The following TSPAN9 variants were observed in gnomAD, a reference collection of about 807,000 sequenced individuals.
The protein encoded by TSPAN9 is tetraspanin-9.
Under a neutral mutation model 31.0 loss-of-function variants are expected in TSPAN9, and 16 were observed. That is an observed-to-expected ratio of 0.52 (90% CI 0.35 to 0.78). The LOEUF (loss-of-function observed/expected upper bound fraction) is 0.78, where lower values mean the gene tolerates loss of function less well. TSPAN9 is among the 30% of genes least tolerant of loss of function. The pLI is 0.01. For synonymous variants in TSPAN9, 145 were observed against 121.6 expected, an observed-to-expected ratio of 1.19 and a Z score of -1.27; for missense variants, 272 against 312.5, an observed-to-expected ratio of 0.87 and a Z score of 0.98.
intron 2 of TSPAN9, among the ~76,000 whole-genome samples, chr12:3,159,710 A>G (rs1397520812): frequency 6.6e-6 from 1 of 152,174 alleles, no homozygotes; most frequent in African/African-American, 2.4e-5. Context: ...CTCAATTAAG[A>G]AACTGTATAT....
intron 2 of TSPAN9, among the ~76,000 whole-genome samples, chr12:3,094,520 C>CTTG (rs1169208072): frequency 8.3e-5 from 12 of 145,372 alleles, no homozygotes; most frequent in South Asian, 5.0e-4. Flanking sequence ...AATCAATTAT[C>CTTG]TTGTTGTTGT....
At chr12:3,276,488 G>A (rs567430909) in intron 3 of TSPAN9, among the ~76,000 whole-genome samples, 3 of 152,228 alleles carry the variant, frequency 2.0e-5, no homozygotes, top group East Asian at 1.9e-4. Flanking sequence ...TTCCCACTCC[G>A]GGGCTTTTGC....
intron 2 of TSPAN9, among the ~76,000 whole-genome samples, chr12:3,152,295 C>T (rs1027863122): frequency 6.6e-6 from 1 of 152,252 alleles, no homozygotes; most frequent in African/African-American, 2.4e-5. Context: ...AGGATCCTGG[C>T]ACCCAGCTCC....
At position 3,239,681 on chromosome 12, in the gene TSPAN9, G is replaced by A. The variant is rs2098395575; in HGVS notation, c.63+38425G>A. Among the ~76,000 whole-genome samples the A allele has an allele frequency of 2.0e-5, 3 of 152,324 alleles. 1 individual carries two copies. The South Asian group carries it at 6.2e-4, about 32-fold the overall frequency. ...GAGGTTACTTGCATAGGTCAGCACA[G>A]ACAGTGGCATTGCTGGGGTGGAAAC... On this transcript the variant is annotated intron_variant, in intron 3 of 8. Transcript: ENST00000011898.
At chr12:3,269,492 G>C (rs867717149) in intron 3 of TSPAN9, among the ~76,000 whole-genome samples, 1,224 of 72,692 alleles carry the variant, frequency 0.017, no homozygotes, top group African/African-American at 0.044. Context: ...CTGTGTTTCT[G>C]CAGCCTGCCC....
chr12:3,140,340 C>G (rs687448), intron 2 of TSPAN9, among the ~76,000 whole-genome samples: 65,242 of 151,992 alleles, frequency 0.43, 14,634 homozygotes, highest in Admixed American at 0.48. Flanking sequence ...AAGGACTTCT[C>G]TCATCGAACA....
chr12:3,193,137 G>T lies in TSPAN9; in HGVS notation c.-17-8040G>T, dbSNP rs867650869. Among the ~76,000 whole-genome samples, 9 of 152,250 alleles carry T rather than the reference G, an allele frequency of 5.9e-5. 1 individual carries two copies. In the South Asian group the frequency reaches 1.9e-3, roughly 32 times the overall value. On this transcript the variant is annotated intron_variant, in intron 2 of 8. Coordinates refer to ENST00000011898, the MANE Select transcript of TSPAN9 (RefSeq NM_006675.5). Reference sequence around the variant, plus strand: ...TCACTCTAGATGGGATTTGGACACAGATTCATCTAGTCCCAAGGCCCAGAG... The same window carrying T: ...TCACTCTAGATGGGATTTGGACACATATTCATCTAGTCCCAAGGCCCAGAG...
chr12:3,201,092 G>T, intron 2 of TSPAN9, 85 bp from the exon 3 acceptor site: 1 of 1,285,720 alleles, frequency 7.8e-7, no homozygotes, highest in South Asian at 1.3e-5. Flanking sequence ...CGCCGAGGCC[G>T]GCGTTAAGAC....
rs2098337627 is a variant in TSPAN9 at position 3,147,107 on chromosome 12, TTA to T, written c.-17-54069_-17-54068del. On this transcript the variant is annotated intron_variant, in intron 2 of 8. Transcript: ENST00000011898. The surrounding 1 kb of genome is among the most constrained non-coding windows in gnomAD (Gnocchi z 4.3). ...ACTAGCATTCTCTCCCCTTTTCTCC[TTA>T]CTTCCTTTCTGCAGGGTATGTAGTG... Among the ~76,000 whole-genome samples, 1 of 131,764 alleles carries T rather than the reference TTA, an allele frequency of 7.6e-6. No homozygotes were observed. Among genetic ancestry groups the T allele is most frequent in the Non-Finnish European group, 1.8e-5 (1 of 57,026 alleles). 86.4% of individuals were successfully genotyped at this position (131,764 alleles called of 152,430 possible). A position where few individuals can be genotyped will look rare whatever the true frequency, so the allele number is the denominator to read the frequency against.
At chr12:3,114,094 C>T (rs2098320777) in intron 2 of TSPAN9, among the ~76,000 whole-genome samples, 2 of 152,236 alleles carry the variant, frequency 1.3e-5, no homozygotes, top group Non-Finnish European at 2.9e-5. Context: ...GCTCTGTGAT[C>T]AGCCAGTTTC....
At chr12:3,090,188 T>C (rs925097400) in intron 2 of TSPAN9, among the ~76,000 whole-genome samples, 1 of 151,170 alleles carries the variant, frequency 6.6e-6, no homozygotes, top group Non-Finnish European at 1.5e-5. Context: ...TCTTTTCACA[T>C]CAGTACATTC....
intron 3 of TSPAN9, among the ~76,000 whole-genome samples, chr12:3,205,444 A>G (rs911176195): frequency 6.6e-6 from 1 of 152,198 alleles, no homozygotes; most frequent in Admixed American, 6.5e-5. Context: ...TGCAGGCAGC[A>G]TGGTCGGGCT....
intron 2 of TSPAN9, among the ~76,000 whole-genome samples, chr12:3,181,382 G>A (rs991620768): frequency 2.0e-5 from 3 of 152,174 alleles, no homozygotes; most frequent in Non-Finnish European, 4.4e-5. Flanking sequence ...GCCTTGTCAC[G>A]GGGCAGAGCT....
At chr12:3,089,676 C>T (rs1171740125) in intron 2 of TSPAN9, among the ~76,000 whole-genome samples, 2 of 151,744 alleles carry the variant, frequency 1.3e-5, no homozygotes, top group South Asian at 2.1e-4. Flanking sequence ...TCTGGGGGGC[C>T]GAGGTGGGAG....
rs148805978 is a variant in TSPAN9 at position 3,158,670 on chromosome 12, C to T, written c.-17-42507C>T. ...CTGGGAGGCAGAGGTTGCAGTGAGCCGAGATCGTACCATTGCACTCCAGCC... is the reference window on the plus strand; with the variant it reads ...CTGGGAGGCAGAGGTTGCAGTGAGCTGAGATCGTACCATTGCACTCCAGCC... On this transcript the variant is annotated intron_variant, in intron 2 of 8. Transcript: ENST00000011898. Among the ~76,000 whole-genome samples, 133 of 129,702 alleles carry T rather than the reference C, an allele frequency of 1.0e-3. 1 individual carries two copies. The highest frequency in any genetic ancestry group is 3.3e-3 in the African/African-American group (113 of 34,638). The allele number at this position is 129,702 out of a possible 152,430, so 85.1% of individuals were successfully genotyped here.
intron 2 of TSPAN9, among the ~76,000 whole-genome samples, chr12:3,153,066 G>T (rs940706407): frequency 6.6e-6 from 1 of 152,206 alleles, no homozygotes; most frequent in African/African-American, 2.4e-5. Flanking sequence ...CGTGTGTGGG[G>T]TGTGGTGGTG....
At chr12:3,153,466 C>A (rs1403594368) in intron 2 of TSPAN9, among the ~76,000 whole-genome samples, 1 of 151,970 alleles carries the variant, frequency 6.6e-6, no homozygotes, top group East Asian at 1.9e-4. Context: ...TATTTGCTTT[C>A]TTTAACATTT....
chr12:3,220,964 T>TCTC (rs2098384194), intron 3 of TSPAN9, among the ~76,000 whole-genome samples: 1 of 152,118 alleles, frequency 6.6e-6, no homozygotes, highest in Non-Finnish European at 1.5e-5. Flanking sequence ...TGCAGAGAGA[T>TCTC]ATTTCCAGTC....
chr12:3,112,767 C>T (rs780347550), intron 2 of TSPAN9, among the ~76,000 whole-genome samples: 4 of 148,656 alleles, frequency 2.7e-5, no homozygotes, highest in African/African-American at 1.0e-4. Flanking sequence ...ACTGCAGCCT[C>T]GACCTCTTGG....
Sources: gnomAD v4.1 joint callset for allele counts (sites outside exome capture counted in the v4.1 genomes callset) on GRCh38, gnomAD v4.1.1 for gene constraint, Gnocchi (gnomAD v3.1) non-coding constraint, MANE v1.5 for transcripts, NCBI Gene and HGNC (gene_info 2026-07-23, HGNC 2026-07-21) for gene names.